The following FSHR variants were observed in gnomAD, a reference collection of about 807,000 sequenced individuals.
FSHR encodes the protein follicle stimulating hormone receptor.
A neutral mutation model predicts 52.1 loss-of-function variants in FSHR; 46 were observed. The observed-to-expected ratio is 0.88, with a 90% CI of 0.70 to 1.13. The LOEUF (loss-of-function observed/expected upper bound fraction) is 1.13, where lower values mean the gene tolerates loss of function less well. FSHR is among the 50% of genes most tolerant of loss of function. FSHR has a pLI of 0.00. For synonymous variants in FSHR, 399 were observed against 309.6 expected (o/e 1.29, Z -3.03); for missense variants, 964 against 834.6 (o/e 1.16, Z -1.91).
At chr2:49,069,318 C>A (rs145077918) in intron 1 of FSHR, among the ~76,000 whole-genome samples, 5 of 152,132 alleles carry the variant, frequency 3.3e-5, no homozygotes, top group Admixed American at 1.3e-4. Flanking sequence ...CTGTTTGGAA[C>A]ATTTCTCTCT....
intron 3 of FSHR, 71 bp from the exon 4 acceptor site, chr2:49,017,634 A>G: frequency 3.6e-6 from 4 of 1,104,074 alleles, no homozygotes; most frequent in East Asian, 2.4e-5. Flanking sequence ...CACATTTTAC[A>G]GAGTACATAA....
chr2:48,987,046 A>T (rs1311169447), intron 6 of FSHR, among the ~76,000 whole-genome samples: 1 of 152,220 alleles, frequency 6.6e-6, no homozygotes, highest in East Asian at 1.9e-4. Flanking sequence ...ATAAACATCT[A>T]GGTATAAATG....
At chr2:49,111,417 A>G (rs1489753594) in intron 1 of FSHR, among the ~76,000 whole-genome samples, 4 of 152,296 alleles carry the variant, frequency 2.6e-5, no homozygotes, top group African/African-American at 9.6e-5. Context: ...TGCCAAAAGA[A>G]TAATCATCTA....
intron 1 of FSHR, among the ~76,000 whole-genome samples, chr2:49,096,402 G>A (rs1670822808): frequency 6.6e-6 from 1 of 152,204 alleles, no homozygotes; most frequent in Non-Finnish European, 1.5e-5. Flanking sequence ...TGCCCAGAAT[G>A]GGCAAATATA....
rs1165560340 is a variant in FSHR at position 48,962,470 on chromosome 2, A to G, written c.*263T>C. 6.8e-6 allele frequency: 3 copies of G among 441,586 alleles called. No individual in the cohort carries two copies. The highest frequency in any genetic ancestry group is 8.3e-6 in the Non-Finnish European group (2 of 241,514). The allele number at this position is 441,586 out of a possible 1,614,324, so 27.4% of individuals were successfully genotyped here. A position where few individuals can be genotyped will look rare whatever the true frequency, so the allele number is the denominator to read the frequency against. ...AGATATCTGAACAAAAGCACTTTGA[A>G]CATAACGTGCAAAAATAACATATAT... is the stretch of plus-strand genomic sequence containing the variant. On this transcript the variant is annotated 3_prime_UTR_variant, in exon 10 of 10. Transcript: ENST00000406846.
At chr2:49,124,661 A>G (rs150027469) in intron 1 of FSHR, among the ~76,000 whole-genome samples, 38 of 152,288 alleles carry the variant, frequency 2.5e-4, no homozygotes, top group Middle Eastern at 6.8e-3. Context: ...CCTTCAAACT[A>G]TGCCCAGAAT....
intron 8 of FSHR, among the ~76,000 whole-genome samples, chr2:48,979,768 T>G (rs2104050420): frequency 6.6e-6 from 1 of 152,136 alleles, no homozygotes; most frequent in South Asian, 2.1e-4. Flanking sequence ...GAGAGCACCC[T>G]CCGGTAAACC....
intron 2 of FSHR, among the ~76,000 whole-genome samples, chr2:49,021,863 C>CTCTCTCTCTCTCTA (rs1467766420): frequency 2.0e-5 from 1 of 49,870 alleles, no homozygotes; most frequent in African/African-American, 8.2e-5. Flanking sequence ...CTCTCTCTCT[C>CTCTCTCTCTCTCTA]TATATATATA....
At chr2:49,115,649 C>G (rs933052388) in intron 1 of FSHR, among the ~76,000 whole-genome samples, 3 of 152,054 alleles carry the variant, frequency 2.0e-5, no homozygotes, top group Admixed American at 1.3e-4. Context: ...TTAAATCATG[C>G]TCTATTGTAT....
intron 2 of FSHR, among the ~76,000 whole-genome samples, chr2:49,050,355 A>T (rs1236847186): frequency 6.6e-6 from 1 of 152,170 alleles, no homozygotes; most frequent in Non-Finnish European, 1.5e-5. Flanking sequence ...CTCCAAGAAG[A>T]GGTTTCCTTC....
chr2:48,982,690 T>G (rs557708560), intron 8 of FSHR, among the ~76,000 whole-genome samples: 1 of 152,244 alleles, frequency 6.6e-6, no homozygotes, highest in Non-Finnish European at 1.5e-5. Context: ...TCTGACACTC[T>G]GTACGTGCTC....
intron 2 of FSHR, among the ~76,000 whole-genome samples, chr2:49,056,447 T>C (rs1431254820): frequency 1.3e-4 from 1 of 7,424 alleles, no homozygotes; most frequent in Non-Finnish European, 2.7e-4. Context: ...ACAATTGGAA[T>C]ATATATATAT....
At chr2:49,083,702 C>T (rs1306449627) in intron 1 of FSHR, among the ~76,000 whole-genome samples, 1 of 149,976 alleles carries the variant, frequency 6.7e-6, no homozygotes, top group Admixed American at 6.7e-5. Flanking sequence ...ATCCTAGTCT[C>T]TGATAAAACA....
At chr2:49,038,170 C>A (rs1384651473) in intron 2 of FSHR, among the ~76,000 whole-genome samples, 1 of 152,018 alleles carries the variant, frequency 6.6e-6, no homozygotes, top group Non-Finnish European at 1.5e-5. Flanking sequence ...CATGCAATAA[C>A]TGAAGAGAGT....
intron 6 of FSHR, among the ~76,000 whole-genome samples, chr2:48,985,093 A>G (rs1292128703): frequency 7.2e-6 from 1 of 139,680 alleles, no homozygotes; most frequent in Non-Finnish European, 1.6e-5. Flanking sequence ...GGAAGTACCT[A>G]TTTGAAAACC....
chr2:49,051,879 A>G (rs1028878358), intron 2 of FSHR, among the ~76,000 whole-genome samples: 2 of 152,148 alleles, frequency 1.3e-5, no homozygotes, highest in African/African-American at 2.4e-5. Flanking sequence ...AACATGAGGT[A>G]AGGGTTGGGA....
intron 6 of FSHR, among the ~76,000 whole-genome samples, chr2:48,986,036 G>C (rs1047070199): frequency 1.1e-4 from 17 of 152,264 alleles, no homozygotes; most frequent in Non-Finnish European, 2.1e-4. Context: ...TTTTACATTA[G>C]GTAGTCTGCA....
chr2:48,983,658 G>T (rs1573044074), intron 6 of FSHR, among the ~76,000 whole-genome samples: 1 of 152,318 alleles, frequency 6.6e-6, no homozygotes, highest in East Asian at 1.9e-4. Flanking sequence ...CATCAAAAGT[G>T]ATCTAATTAA....
chr2:49,009,315 T>C (rs979034882), intron 4 of FSHR, among the ~76,000 whole-genome samples: 8 of 151,882 alleles, frequency 5.3e-5, no homozygotes, highest in African/African-American at 1.5e-4. Flanking sequence ...TTTCTCAGGC[T>C]TGTCAAAGAT....
Sources: allele counts gnomAD v4.1 joint callset (sites outside exome capture counted in the v4.1 genomes callset), GRCh38; gene constraint gnomAD v4.1.1; transcripts MANE v1.5; gene names NCBI Gene and HGNC (gene_info 2026-07-23, HGNC 2026-07-21).